PIEZO2: variants seen among roughly 807,000 people sequenced by gnomAD.
The protein encoded by PIEZO2 is piezo-type mechanosensitive ion channel component 2.
In PIEZO2, 172 loss-of-function variants were observed where a neutral mutation model predicts 337.3. The ratio of observed to expected loss-of-function variants is 0.51; its 90% CI spans 0.45 to 0.58. PIEZO2 has a LOEUF of 0.58. PIEZO2 is among the 20% of genes least tolerant of loss of function. The probability of loss-of-function intolerance (pLI) is 0.00; values close to 1 mark genes in which losing one functional copy is unlikely to be tolerated. For synonymous variants in PIEZO2, 1,251 were observed against 1,228.5 expected (o/e 1.02, Z -0.38); for missense variants, 3,028 against 3,391.3 (o/e 0.89, Z 2.66).
intron 7 of PIEZO2, among the ~76,000 whole-genome samples, chr18:10,818,471 T>C (rs1037511350): frequency 6.6e-6 from 1 of 152,188 alleles, no homozygotes; most frequent in African/African-American, 2.4e-5. Context: ...AGTATCAAAA[T>C]GATTTACTCT....
chr18:10,791,499 C>T (rs2039409850), intron 13 of PIEZO2, 175 bp from the exon 14 acceptor site: 2 of 619,646 alleles, frequency 3.2e-6, no homozygotes, highest in Non-Finnish European at 4.8e-6. Context: ...GCTTTTAAGT[C>T]CCTTTTCCGA....
In PIEZO2 at chr18:10,907,333, C is replaced by A. The variant is rs180793010; in HGVS notation, c.329+3853G>T. ...TGGCGGGTGCATGTAATCTCAGCTA[C>A]TTGATAGGCTGAGGCAGGAGAATCG... On this transcript the variant is annotated intron_variant, in intron 4 of 55. Transcript: ENST00000674853. 2.0e-5 allele frequency among the ~76,000 whole-genome samples: 3 copies of A among 151,902 alleles called. No individual in the cohort carries two copies. In the East Asian group the frequency reaches 5.8e-4, roughly 29 times the overall value.
rs1186751917 is a variant in PIEZO2 at position 10,855,953 on chromosome 18, C to T, written c.704-387G>A. On this transcript the variant is annotated intron_variant, in intron 6 of 55. Coordinates refer to ENST00000674853, the MANE Select transcript of PIEZO2 (RefSeq NM_001378183.1). The surrounding 1 kb of genome is among the most constrained non-coding windows in gnomAD (Gnocchi z 4.9). Reference sequence around the variant, plus strand: ...ATGTCTGTTCCAACCTTTCCTGACACCATTTTCTTTATAATAATTTACTAC... The same window carrying T: ...ATGTCTGTTCCAACCTTTCCTGACATCATTTTCTTTATAATAATTTACTAC... Among the ~76,000 whole-genome samples the T allele has an allele frequency of 6.6e-6, 1 of 151,898 alleles. No individual in the cohort carries two copies. Among genetic ancestry groups the T allele is most frequent in the African/African-American group, 2.4e-5 (1 of 41,288 alleles).
chr18:10,818,300 A>C (rs760776471), intron 7 of PIEZO2, among the ~76,000 whole-genome samples: 8 of 152,196 alleles, frequency 5.3e-5, no homozygotes, highest in Non-Finnish European at 7.3e-5. Flanking sequence ...AAAGGAATTG[A>C]GGGGAAGGTG....
intron 11 of PIEZO2, among the ~76,000 whole-genome samples, chr18:10,798,522 C>T (rs2039691576): frequency 6.6e-6 from 1 of 152,212 alleles, no homozygotes; most frequent in Admixed American, 6.5e-5. Context: ...GGGGTGAAAA[C>T]ACCAAATCTG....
rs2038715820 is a variant in PIEZO2, at chr18:11,080,901, A to G, written c.65-14679T>C. Among the ~76,000 whole-genome samples the G allele has an allele frequency of 6.6e-6, 1 of 152,212 alleles. No homozygotes were observed. Among genetic ancestry groups the G allele is most frequent in the Non-Finnish European group, 1.5e-5 (1 of 68,030 alleles). On this transcript the variant is annotated intron_variant, in intron 1 of 55. Coordinates refer to ENST00000674853, the MANE Select transcript of PIEZO2 (RefSeq NM_001378183.1). The surrounding 1 kb of genome is among the most constrained non-coding windows in gnomAD (Gnocchi z 5.4). ...AAAGCAGAGATATCAGAGAAAAGTT[A>G]TCACACCTGACCAATGGAGTCAACG...
At chr18:10,955,233 C>T (rs2033466256) in intron 3 of PIEZO2, among the ~76,000 whole-genome samples, 1 of 152,164 alleles carries the variant, frequency 6.6e-6, no homozygotes, top group Admixed American at 6.5e-5. Context: ...ATATCAAGAT[C>T]AGCCTTAATC....
At chr18:10,923,658 T>C (rs1191158024) in intron 3 of PIEZO2, among the ~76,000 whole-genome samples, 4 of 152,224 alleles carry the variant, frequency 2.6e-5, no homozygotes. Flanking sequence ...CACTCAGCTT[T>C]TATCCCTCCT....
intron 17 of PIEZO2, among the ~76,000 whole-genome samples, chr18:10,782,197 T>C (rs1049473436): frequency 1.5e-5 from 2 of 135,736 alleles, no homozygotes; most frequent in African/African-American, 5.5e-5. Flanking sequence ...TACATCATAT[T>C]ATATATCATA....
At chr18:10,976,984 C>T (rs1244888466) in intron 3 of PIEZO2, among the ~76,000 whole-genome samples, 5 of 137,924 alleles carry the variant, frequency 3.6e-5, no homozygotes, top group African/African-American at 8.1e-5. Flanking sequence ...GAAGAAGGAG[C>T]CAAAGCAAGA....
intron 3 of PIEZO2, among the ~76,000 whole-genome samples, chr18:10,946,369 C>G (rs952524803): frequency 6.6e-6 from 1 of 152,068 alleles, no homozygotes; most frequent in Admixed American, 6.6e-5. Context: ...AATTTTTATA[C>G]CCTACAAACA....
At chr18:10,964,961 A>AT (rs1284680520) in intron 3 of PIEZO2, among the ~76,000 whole-genome samples, 2 of 152,186 alleles carry the variant, frequency 1.3e-5, no homozygotes, top group African/African-American at 2.4e-5. Context: ...ATATTCATAT[A>AT]TTTTTTATGT....
At chr18:10,963,349 T>G in intron 3 of PIEZO2, among the ~76,000 whole-genome samples, 2 of 152,066 alleles carry the variant, frequency 1.3e-5, no homozygotes, top group East Asian at 3.9e-4. Flanking sequence ...AGATAGCTAT[T>G]AAGACAGTGG....
At chr18:10,909,865 C>CA (rs2030304058) in intron 4 of PIEZO2, among the ~76,000 whole-genome samples, 2 of 152,144 alleles carry the variant, frequency 1.3e-5, no homozygotes, top group Admixed American at 1.3e-4. Flanking sequence ...CAACTTCCCG[C>CA]AATACCTTAA....
intron 1 of PIEZO2, among the ~76,000 whole-genome samples, chr18:11,113,898 G>A (rs1192112199): frequency 6.6e-6 from 1 of 152,152 alleles, no homozygotes; most frequent in African/African-American, 2.4e-5. Context: ...TAATTTTTTA[G>A]CATTGTCCTC....
At chr18:10,836,933 A>G (rs1347598256) in intron 7 of PIEZO2, among the ~76,000 whole-genome samples, 1 of 152,186 alleles carries the variant, frequency 6.6e-6, no homozygotes, top group Non-Finnish European at 1.5e-5. Flanking sequence ...GCCAAGAAAA[A>G]TGTATTTATT....
chr18:11,106,394 G>A lies in PIEZO2; in HGVS notation c.65-40172C>T, dbSNP rs1455084336. Among the ~76,000 whole-genome samples, 63 of 148,414 alleles carry A rather than the reference G, an allele frequency of 4.2e-4. 1 individual carries two copies. Among genetic ancestry groups the A allele is most frequent in the Non-Finnish European group, 2.5e-4 (17 of 67,598 alleles). ...ATTACAGGCGTGAGCCACAGCACCC[G>A]GCCCATTTTTTTCTTTCCTCTCTCT... On this transcript the variant is annotated intron_variant, in intron 1 of 55. Transcript: ENST00000674853.
In PIEZO2 at chr18:11,097,279, A is replaced by G. The variant is rs2039287794; in HGVS notation, c.65-31057T>C. Among the ~76,000 whole-genome samples the G allele has an allele frequency of 6.6e-6, 1 of 152,230 alleles. No homozygotes were observed. The highest frequency in any genetic ancestry group is 1.5e-5 in the Non-Finnish European group (1 of 68,046). ...TATATGAAAGTCAATTTCAGTGTCC[A>G]TCAGTGAAGTTTTCTTGGAGCCAAG... is the stretch of plus-strand genomic sequence containing the variant. On this transcript the variant is annotated intron_variant, in intron 1 of 55. Coordinates refer to ENST00000674853, the MANE Select transcript of PIEZO2 (RefSeq NM_001378183.1). The surrounding 1 kb of genome is among the most constrained non-coding windows in gnomAD (Gnocchi z 5.0).
chr18:10,871,718 T>A (rs1295891538), intron 4 of PIEZO2, among the ~76,000 whole-genome samples: 1 of 152,218 alleles, frequency 6.6e-6, no homozygotes, highest in Non-Finnish European at 1.5e-5. Flanking sequence ...CCAGTACAAA[T>A]GCAGTTGTTT....
Sources: gnomAD v4.1 joint callset for allele counts (sites outside exome capture counted in the v4.1 genomes callset) on GRCh38, gnomAD v4.1.1 for gene constraint, Gnocchi (gnomAD v3.1) non-coding constraint, MANE v1.5 for transcripts, NCBI Gene and HGNC (gene_info 2026-07-23, HGNC 2026-07-21) for gene names.